The following SPTLC2 variants were observed in gnomAD, a reference collection of about 807,000 sequenced individuals.
SPTLC2 encodes the protein serine palmitoyltransferase long chain base subunit 2, also known as serine palmitoyltransferase 2.
Under a neutral mutation model 62.0 loss-of-function variants are expected in SPTLC2, and 21 were observed. That is an observed-to-expected ratio of 0.34 (90% CI 0.24 to 0.49). The LOEUF is 0.49. Among genes scored for constraint, SPTLC2 ranks in the 20% least tolerant of loss-of-function variants. The pLI is 0.99. For missense variants in SPTLC2, 511 were observed against 713.0 expected (o/e 0.72, Z 3.23); for synonymous variants, 261 against 261.8 (o/e 1.00, Z 0.03).
At chr14:77,605,083 C>T (rs912147174) in intron 1 of SPTLC2, among the ~76,000 whole-genome samples, 1 of 152,090 alleles carries the variant, frequency 6.6e-6, no homozygotes, top group Non-Finnish European at 1.5e-5. Flanking sequence ...GTAACCATAG[C>T]TCACTGTAAC....
At chr14:77,536,132 T>G (rs892521167) in intron 9 of SPTLC2, 31 of 359,800 alleles carry the variant, frequency 8.6e-5, no homozygotes, top group Middle Eastern at 3.8e-4. Flanking sequence ...TGAAATGCAG[T>G]AGGTCAAGAC....
chr14:77,554,028 A>G (rs1307125899), intron 8 of SPTLC2, among the ~76,000 whole-genome samples: 1 of 152,136 alleles, frequency 6.6e-6, no homozygotes, highest in East Asian at 1.9e-4. Context: ...TATGTTGCCC[A>G]GCTGGTATTG....
intron 8 of SPTLC2, among the ~76,000 whole-genome samples, chr14:77,554,483 C>G (rs1000409613): frequency 2.0e-5 from 3 of 152,212 alleles, no homozygotes; most frequent in African/African-American, 4.8e-5. Flanking sequence ...TTCTAGGTAT[C>G]ACATATTTTA....
intron 9 of SPTLC2, among the ~76,000 whole-genome samples, chr14:77,550,586 A>C (rs1385971676): frequency 6.7e-6 from 1 of 150,168 alleles, no homozygotes; most frequent in Admixed American, 6.6e-5. Context: ...AAAAGAAAGA[A>C]AAGGAAAGGA....
At chr14:77,536,923 C>CA (rs201472760) in intron 9 of SPTLC2, among the ~76,000 whole-genome samples, 1 of 149,168 alleles carries the variant, frequency 6.7e-6, no homozygotes, top group African/African-American at 2.5e-5. Context: ...ATTCCCCCAC[C>CA]CCCCCACTTC....
intron 11 of SPTLC2, among the ~76,000 whole-genome samples, chr14:77,513,822 G>C (rs1246691358): frequency 2.6e-5 from 4 of 151,926 alleles, no homozygotes; most frequent in African/African-American, 4.8e-5. Flanking sequence ...TTGAACCCAG[G>C]GGGCGGAGGC....
chr14:77,573,257 C>A (rs186357901), intron 4 of SPTLC2, among the ~76,000 whole-genome samples: 1 of 152,010 alleles, frequency 6.6e-6, no homozygotes, highest in Non-Finnish European at 1.5e-5. Flanking sequence ...GAAATAAGTT[C>A]TAATGTTTGA....
Position 77,536,267 on chromosome 14 carries a change from G to A in SPTLC2, c.1304-14686C>T, listed in dbSNP as rs1411921998. Among the ~76,000 whole-genome samples the A allele has an allele frequency of 5.7e-5, 8 of 141,486 alleles. No individual in the cohort carries two copies. In the East Asian group the frequency reaches 1.2e-3, roughly 20 times the overall value. The allele number at this position is 141,486 out of a possible 152,430, so 92.8% of individuals were successfully genotyped here. Reference sequence around the variant, plus strand: ...GTATGTAATGCCACTGAATTGTACCGAAAAATGATTAATTTTGTTATATAT... The same window carrying A: ...GTATGTAATGCCACTGAATTGTACCAAAAAATGATTAATTTTGTTATATAT... On this transcript the variant is annotated intron_variant, in intron 9 of 11. Transcript: ENST00000216484.
At chr14:77,594,737 C>T (rs1234447157) in intron 2 of SPTLC2, among the ~76,000 whole-genome samples, 1 of 152,228 alleles carries the variant, frequency 6.6e-6, no homozygotes, top group East Asian at 1.9e-4. Flanking sequence ...ATCCCCTCAT[C>T]CAGGAATGTG....
chr14:77,574,199 G>T (rs2079700668), intron 4 of SPTLC2, among the ~76,000 whole-genome samples: 1 of 152,116 alleles, frequency 6.6e-6, no homozygotes, highest in African/African-American at 2.4e-5. Context: ...AAATGACAGA[G>T]TTAGAAGAAG....
intron 2 of SPTLC2, among the ~76,000 whole-genome samples, chr14:77,592,837 C>T (rs985872039): frequency 5.3e-5 from 8 of 152,140 alleles, no homozygotes; most frequent in African/African-American, 1.7e-4. Flanking sequence ...AGGCTAGGCA[C>T]GGTGGCTCAC....
chr14:77,570,377 AT>A lies in SPTLC2; in HGVS notation c.756+6del, dbSNP rs2079674677. 1 of 1,612,610 alleles carries A rather than the reference AT, an allele frequency of 6.2e-7. No homozygotes were observed. The highest frequency in any genetic ancestry group is 8.5e-7 in the Non-Finnish European group (1 of 1,179,952). ...AGGGAGTTTTCATAAATGACAGAGT[AT>A]CTTACTTTGCCAACAAGAGCAGGAA... On this transcript the variant is annotated splice_donor_region_variant and intron_variant, in intron 5 of 11. Transcript: ENST00000216484.
intron 9 of SPTLC2, among the ~76,000 whole-genome samples, chr14:77,527,729 C>T (rs1339232221): frequency 3.0e-5 from 3 of 98,792 alleles, no homozygotes; most frequent in African/African-American, 1.1e-4. Context: ...TCTGAACGCT[C>T]AAGACTGCTT....
Position 77,511,951 on chromosome 14 carries a change from A to C in SPTLC2, c.*333T>G, listed in dbSNP as rs1249153081. 2.0e-5 allele frequency: 7 copies of C among 354,462 alleles called. No homozygotes were observed. Among genetic ancestry groups the C allele is most frequent in the East Asian group, 7.1e-5 (1 of 14,090 alleles). 22.0% of individuals were successfully genotyped at this position (354,462 alleles called of 1,614,324 possible). On this transcript the variant is annotated 3_prime_UTR_variant, in exon 12 of 12. Transcript: ENST00000216484. ...GCCCAAGTCTGCAAGGTGCTGGGAG[A>C]GGGGAATGGCCTGTGTGGTTAGCCA...
At chr14:77,527,167 G>C (rs1271359082) in intron 9 of SPTLC2, among the ~76,000 whole-genome samples, 1 of 151,344 alleles carries the variant, frequency 6.6e-6, no homozygotes. Flanking sequence ...TGCGATCTCA[G>C]CTCACTGCAA....
At chr14:77,533,063 C>T (rs912394736) in intron 9 of SPTLC2, among the ~76,000 whole-genome samples, 1 of 152,002 alleles carries the variant, frequency 6.6e-6, no homozygotes, top group Non-Finnish European at 1.5e-5. Flanking sequence ...TTTGGGAGGC[C>T]AAGGTGGGCA....
intron 9 of SPTLC2, among the ~76,000 whole-genome samples, chr14:77,532,106 C>T (rs1020920080): frequency 5.3e-5 from 8 of 152,104 alleles, no homozygotes; most frequent in African/African-American, 1.9e-4. Context: ...CAGGTGTGGG[C>T]TCAGGAACTC....
At chr14:77,577,723 C>T (rs1449634005) in intron 3 of SPTLC2, among the ~76,000 whole-genome samples, 1 of 152,108 alleles carries the variant, frequency 6.6e-6, no homozygotes, top group Admixed American at 6.5e-5. Flanking sequence ...CACAGTGAAA[C>T]CCTGTCTCTA....
At chr14:77,592,710 T>A (rs1480618751) in intron 2 of SPTLC2, among the ~76,000 whole-genome samples, 1 of 152,130 alleles carries the variant, frequency 6.6e-6, no homozygotes, top group African/African-American at 2.4e-5. Flanking sequence ...GTACTAAGCC[T>A]AGCACCCAAT....
Sources: allele counts gnomAD v4.1 joint callset (sites outside exome capture counted in the v4.1 genomes callset), GRCh38; gene constraint gnomAD v4.1.1; transcripts MANE v1.5; gene names NCBI Gene and HGNC (gene_info 2026-07-23, HGNC 2026-07-21).